The following SRRM4 variants were observed in gnomAD, a reference collection of about 807,000 sequenced individuals.
SRRM4 encodes serine/arginine repetitive matrix protein 4.
In SRRM4, 33 loss-of-function variants were observed where a neutral mutation model predicts 68.9. The observed-to-expected ratio is 0.48, with a 90% CI of 0.36 to 0.64. SRRM4 has a LOEUF of 0.64. SRRM4 is among the 30% of genes least tolerant of loss of function. The pLI, the probability that SRRM4 is intolerant of heterozygous loss-of-function variation, is 0.00. For synonymous variants in SRRM4, 318 were observed against 318.8 expected, an observed-to-expected ratio of 1.00 and a Z score of 0.03; for missense variants, 817 against 827.1, an observed-to-expected ratio of 0.99 and a Z score of 0.15.
At chr12:119,117,859 C>A (rs1173634763) in intron 4 of SRRM4, among the ~76,000 whole-genome samples, 1 of 152,110 alleles carries the variant, frequency 6.6e-6, no homozygotes, top group Non-Finnish European at 1.5e-5. Context: ...TTGCAGTGAG[C>A]CGAGATCGCT....
At chr12:119,155,151 A>G (rs981454270) in intron 12 of SRRM4, among the ~76,000 whole-genome samples, 2 of 152,270 alleles carry the variant, frequency 1.3e-5, no homozygotes, top group African/African-American at 4.8e-5. Flanking sequence ...TGTTGATTGA[A>G]TGGTCAGAAT....
intron 1 of SRRM4, among the ~76,000 whole-genome samples, chr12:119,011,851 C>G (rs945791645): frequency 6.6e-6 from 1 of 151,996 alleles, no homozygotes; most frequent in Non-Finnish European, 1.5e-5. Context: ...ATTGGAAGAC[C>G]TGGTTGCCAA....
chr12:118,985,021 TG>T (rs1262057160), intron 1 of SRRM4, among the ~76,000 whole-genome samples: 1 of 152,188 alleles, frequency 6.6e-6, no homozygotes, highest in Non-Finnish European at 1.5e-5. Flanking sequence ...GTGTGGTGCA[TG>T]GTGTTGTTTA....
At chr12:119,075,944 A>G (rs62649119) in intron 1 of SRRM4, among the ~76,000 whole-genome samples, 85,146 of 141,736 alleles carry the variant, frequency 0.6, 25,678 homozygotes, top group Middle Eastern at 0.78. Context: ...GGTGATGATG[A>G]TGGTGGTAAT....
intron 1 of SRRM4, among the ~76,000 whole-genome samples, chr12:119,013,797 C>T (rs1953464355): frequency 6.6e-6 from 1 of 152,038 alleles, no homozygotes; most frequent in Admixed American, 6.6e-5. Context: ...CTACTGTAAA[C>T]ATTTTGGTAC....
At chr12:119,089,881 AT>A (rs1954003739) in intron 1 of SRRM4, among the ~76,000 whole-genome samples, 1 of 152,182 alleles carries the variant, frequency 6.6e-6, no homozygotes, top group South Asian at 2.1e-4. Context: ...GGAAATATGC[AT>A]TTTATAACTG....
chr12:119,114,075 G>A (rs1037572938), intron 2 of SRRM4: 31 of 461,760 alleles, frequency 6.7e-5, no homozygotes, highest in Middle Eastern at 1.2e-3. Flanking sequence ...AACGTACAAC[G>A]TCTGTCTCAT....
At position 119,154,122 on chromosome 12, in the gene SRRM4, G is replaced by T. The variant is rs551395949; in HGVS notation, c.1392-121G>T. The T allele has an allele frequency of 6.3e-5, 58 of 923,288 alleles. No individual in the cohort carries two copies. The East Asian group carries it at 9.6e-4, about 15-fold the overall frequency. 57.2% of individuals were successfully genotyped at this position (923,288 alleles called of 1,614,324 possible). On this transcript the variant is annotated intron_variant, in intron 11 of 12. Coordinates refer to ENST00000267260, the MANE Select transcript of SRRM4 (RefSeq NM_194286.4). The surrounding 1 kb of genome is among the most constrained non-coding windows in gnomAD (Gnocchi z 4.7). ...TCCCTCCGGTCTCCCTTGCGGCAAC[G>T]TGCAGACCCCATCCCGTGACCCAGT...
At chr12:119,089,955 A>G (rs568919490) in intron 1 of SRRM4, among the ~76,000 whole-genome samples, 1 of 152,182 alleles carries the variant, frequency 6.6e-6, no homozygotes, top group Non-Finnish European at 1.5e-5. Context: ...TGGGAAAACT[A>G]AGTCTTGATA....
intron 1 of SRRM4, among the ~76,000 whole-genome samples, chr12:119,078,302 G>T (rs144967634): frequency 3.1e-3 from 466 of 152,288 alleles, no homozygotes; most frequent in African/African-American, 0.01. Context: ...TTATCATGGG[G>T]CAGAGATACC....
At position 119,048,537 on chromosome 12, in the gene SRRM4, G is replaced by A. The variant is rs114905586; in HGVS notation, c.132-53699G>A. 4.8e-3 allele frequency among the ~76,000 whole-genome samples: 738 copies of A among 152,170 alleles called. 1 individual carries two copies. The highest frequency in any genetic ancestry group is 0.015 in the African/African-American group (643 of 41,512). ...TGGGGAACCTGAGGCAGGGAAAATC[G>A]GGTTCAAATCCTGCCACCAGCTCCC... is the stretch of plus-strand genomic sequence containing the variant. On this transcript the variant is annotated intron_variant, in intron 1 of 12. Transcript: ENST00000267260.
intron 1 of SRRM4, among the ~76,000 whole-genome samples, chr12:119,053,217 T>C (rs991162061): frequency 6.6e-6 from 1 of 152,210 alleles, no homozygotes; most frequent in Non-Finnish European, 1.5e-5. Flanking sequence ...TTCTCTTGTT[T>C]TCATTTGTAT....
intron 8 of SRRM4, among the ~76,000 whole-genome samples, chr12:119,138,009 C>G (rs188864671): frequency 8.0e-4 from 122 of 152,030 alleles, no homozygotes; most frequent in South Asian, 1.3e-3. Context: ...ACTTTTAGAA[C>G]AGAGGGTCTC....
intron 1 of SRRM4, among the ~76,000 whole-genome samples, chr12:118,994,336 T>C (rs1443537328): frequency 6.6e-6 from 1 of 152,120 alleles, no homozygotes; most frequent in Non-Finnish European, 1.5e-5. Context: ...CTAGAGGCTA[T>C]GGTCTAAGTG....
chr12:119,131,780 A>T (rs1954299419), intron 8 of SRRM4, among the ~76,000 whole-genome samples: 1 of 152,216 alleles, frequency 6.6e-6, no homozygotes, highest in African/African-American at 2.4e-5. Context: ...GTAGACTCTA[A>T]AGAGACAGAC....
At position 119,023,997 on chromosome 12, in the gene SRRM4, T is replaced by G. The variant is rs560431541; in HGVS notation, c.131+41984T>G. Among the ~76,000 whole-genome samples the G allele has an allele frequency of 9.4e-5, 14 of 148,296 alleles. 1 individual carries two copies. The South Asian group carries it at 3.0e-3, about 32-fold the overall frequency. ...GACCCTTCCTGTAATTCTCTCTCAT[T>G]GTACTCTTGGCTTTTCTGCATGTTA... is the stretch of plus-strand genomic sequence containing the variant. On this transcript the variant is annotated intron_variant, in intron 1 of 12. Coordinates refer to ENST00000267260, the MANE Select transcript of SRRM4 (RefSeq NM_194286.4).
chr12:119,019,333 T>C (rs965238370), intron 1 of SRRM4, among the ~76,000 whole-genome samples: 2 of 152,188 alleles, frequency 1.3e-5, no homozygotes, highest in Non-Finnish European at 2.9e-5. Context: ...GTTGAAATAA[T>C]GGGTGTTCGG....
At chr12:119,029,569 C>T (rs1953573291) in intron 1 of SRRM4, among the ~76,000 whole-genome samples, 1 of 152,210 alleles carries the variant, frequency 6.6e-6, no homozygotes, top group Non-Finnish European at 1.5e-5. Flanking sequence ...GTGAGTCAAA[C>T]AGAAGTGATC....
chr12:119,150,631 C>G (rs1760673373), intron 9 of SRRM4, among the ~76,000 whole-genome samples: 1 of 152,188 alleles, frequency 6.6e-6, no homozygotes, highest in African/African-American at 2.4e-5. Flanking sequence ...AACCAACTAG[C>G]ACCCAATGGG....
Sources: allele counts gnomAD v4.1 joint callset (sites outside exome capture counted in the v4.1 genomes callset), GRCh38; gene constraint gnomAD v4.1.1; non-coding constraint Gnocchi (gnomAD v3.1); transcripts MANE v1.5; gene names NCBI Gene and HGNC (gene_info 2026-07-23, HGNC 2026-07-21).